CCDC73: variants seen among roughly 807,000 people sequenced by gnomAD.
CCDC73 encodes the protein coiled-coil domain-containing protein 73.
In CCDC73, 95 loss-of-function variants were observed where a neutral mutation model predicts 116.5. The ratio of observed to expected loss-of-function variants is 0.82; its 90% CI spans 0.69 to 0.97. CCDC73 has a LOEUF of 0.97. Ranked by LOEUF, CCDC73 falls within the 50% of genes least tolerant of loss-of-function variation. CCDC73 has a pLI of 0.00. For missense variants in CCDC73, 1,066 were observed against 1,206.8 expected, an observed-to-expected ratio of 0.88 and a Z score of 1.73; for synonymous variants, 398 against 401.3, an observed-to-expected ratio of 0.99 and a Z score of 0.10.
chr11:32,766,592 T>C (rs900905657), intron 1 of CCDC73, among the ~76,000 whole-genome samples: 42 of 152,338 alleles, frequency 2.8e-4, no homozygotes, highest in African/African-American at 9.4e-4. Context: ...CTTAAGCTGA[T>C]AAGCAACTTC....
At chr11:32,659,701 A>G (rs1212749374) in intron 9 of CCDC73, among the ~76,000 whole-genome samples, 1 of 152,194 alleles carries the variant, frequency 6.6e-6, no homozygotes, top group Non-Finnish European at 1.5e-5. Context: ...GAAAACCATA[A>G]CTAAACCACA....
rs1017377168 is a variant in CCDC73 at position 32,606,383 on chromosome 11, A to G, written c.3031-3363T>C. Reference sequence around the variant, plus strand: ...TTACAACTGCTCAATTCTCAGTGCCATGCCAAAACAGCCTTTACAATATGC... The same window carrying G: ...TTACAACTGCTCAATTCTCAGTGCCGTGCCAAAACAGCCTTTACAATATGC... On this transcript the variant is annotated intron_variant, in intron 17 of 17. Coordinates refer to ENST00000335185, the MANE Select transcript of CCDC73 (RefSeq NM_001008391.4). 4 of 152,256 alleles carry G rather than the reference A, an allele frequency of 2.6e-5. No homozygotes were observed. In the South Asian group the frequency reaches 6.2e-4, roughly 24 times the overall value. 9.4% of individuals were successfully genotyped at this position (152,256 alleles called of 1,614,324 possible). A position where few individuals can be genotyped will look rare whatever the true frequency, so the allele number is the denominator to read the frequency against.
chr11:32,829,819 G>C, the CCDC73 span: 9 of 985,412 alleles, frequency 9.1e-6, no homozygotes, highest in Non-Finnish European at 9.6e-6. Context: ...GCGCAGCGCG[G>C]GCTCCCGGGA....
intron 1 of CCDC73, among the ~76,000 whole-genome samples, chr11:32,784,875 A>G (rs371129198): frequency 1.0e-3 from 152 of 152,326 alleles, no homozygotes; most frequent in African/African-American, 3.6e-3. Context: ...AGTTTCTTAT[A>G]ATGATAGAAC....
At chr11:32,740,469 A>G (rs1371485243) in intron 2 of CCDC73, among the ~76,000 whole-genome samples, 2 of 151,978 alleles carry the variant, frequency 1.3e-5, no homozygotes, top group Admixed American at 1.3e-4. Flanking sequence ...AGGTTTTCCA[A>G]TTTATTGGCA....
At chr11:32,830,410 G>C in the CCDC73 span, 7 of 1,044,172 alleles carry the variant, frequency 6.7e-6, no homozygotes, top group Non-Finnish European at 8.9e-6. Flanking sequence ...CTTGCGCCTA[G>C]GCTTTGAGTA....
At chr11:32,655,923 A>G (rs1332974865) in intron 9 of CCDC73, among the ~76,000 whole-genome samples, 1 of 152,174 alleles carries the variant, frequency 6.6e-6, no homozygotes, top group Admixed American at 6.5e-5. Flanking sequence ...ATTAGTGTGC[A>G]ATTGATTGTG....
At chr11:32,624,925 A>C (rs1855556257) in intron 14 of CCDC73, among the ~76,000 whole-genome samples, 2 of 152,210 alleles carry the variant, frequency 1.3e-5, no homozygotes, top group African/African-American at 4.8e-5. Context: ...GCAAACTGTC[A>C]CAAGGACAGA....
chr11:32,613,633 A>C lies in CCDC73; in HGVS notation c.2685T>G (p.Thr895=). 1 of 1,613,994 alleles carries C rather than the reference A, an allele frequency of 6.2e-7. No individual in the cohort carries two copies. Among genetic ancestry groups the C allele is most frequent in the South Asian group, 1.1e-5 (1 of 91,070 alleles). Residue 895 remains threonine, a synonymous_variant, in exon 16 of 18, where the codon ACT becomes ACG. Transcript: ENST00000335185. ...AATTCATGTATACTGGAGTTTTCTC[A>C]GTTTTTTTATCTGAAGTTGAAAGAT... ...TFDLSTSDKK[T]EKTPVYMNFS...
chr11:32,615,839 A>G (rs1231807685), intron 15 of CCDC73, 101 bp downstream of exon 15: 2 of 1,088,048 alleles, frequency 1.8e-6, no homozygotes, highest in Admixed American at 3.1e-5. Flanking sequence ...AAGACTAGGA[A>G]TAAGTCATGA....
chr11:32,817,004 C>T, the CCDC73 span, among the ~76,000 whole-genome samples: 1 of 152,134 alleles, frequency 6.6e-6, no homozygotes, highest in African/African-American at 2.4e-5. Context: ...AGGTTGGTCT[C>T]AAACTCCTGA....
chr11:32,669,865 T>C (rs1378236971), intron 9 of CCDC73, among the ~76,000 whole-genome samples: 3 of 152,208 alleles, frequency 2.0e-5, no homozygotes, highest in Non-Finnish European at 4.4e-5. Context: ...ATTCATCTGT[T>C]GATGGACACT....
chr11:32,614,067 T>C lies in CCDC73; in HGVS notation c.2251A>G (p.Asn751Asp). The C allele has an allele frequency of 6.2e-7, 1 of 1,613,194 alleles. No individual in the cohort carries two copies. Among genetic ancestry groups the C allele is most frequent in the South Asian group, 1.1e-5 (1 of 91,084 alleles). Residue 751 changes from asparagine to aspartate, a missense_variant, in exon 16 of 18, where the codon AAT becomes GAT. Physicochemically the swap from Asn to Asp is conservative, Grantham distance 23. Transcript: ENST00000335185. The part of the protein sequence containing the change: ...SSPGGKTMCK[N>D]MSDMQNSQFN... The stretch of plus-strand genomic sequence containing the variant: ...TGACTGTTTTGCATATCACTCATAT[T>C]TTTACACATAGTTTTTCCCCCAGGG...
At chr11:32,720,578 C>A (rs911823740) in intron 2 of CCDC73, among the ~76,000 whole-genome samples, 1 of 151,954 alleles carries the variant, frequency 6.6e-6, no homozygotes. Flanking sequence ...ATAAAACTAC[C>A]TCTATTTGCA....
intron 7 of CCDC73, among the ~76,000 whole-genome samples, chr11:32,678,886 A>C (rs1856117315): frequency 8.1e-6 from 1 of 123,690 alleles, no homozygotes; most frequent in Non-Finnish European, 1.7e-5. Context: ...CCGTCACAAA[A>C]AAAAAAAAAA....
intron 13 of CCDC73, among the ~76,000 whole-genome samples, chr11:32,637,021 T>C (rs185954003): frequency 0.014 from 1,787 of 131,630 alleles, 43 homozygotes; most frequent in African/African-American, 0.046. Flanking sequence ...CTTTTTCTTT[T>C]TTTTTTTTTT....
At chr11:32,790,625 A>G (rs1850666319) in intron 1 of CCDC73, among the ~76,000 whole-genome samples, 1 of 152,138 alleles carries the variant, frequency 6.6e-6, no homozygotes, top group Non-Finnish European at 1.5e-5. Flanking sequence ...TGAGTAAAAC[A>G]TTCTCTGTTC....
At chr11:32,758,554 C>A in intron 2 of CCDC73, 1 of 444,500 alleles carries the variant, frequency 2.2e-6, no homozygotes, top group South Asian at 1.8e-5. Flanking sequence ...CTTTCTTCAT[C>A]AAGGAGCAGA....
intron 12 of CCDC73, among the ~76,000 whole-genome samples, chr11:32,646,415 A>G (rs1554962740): frequency 6.6e-6 from 1 of 152,106 alleles, no homozygotes; most frequent in Non-Finnish European, 1.5e-5. Context: ...AGGGTGGTAA[A>G]TTTTTTGAGA....
Sources: gnomAD v4.1 joint callset for allele counts (sites outside exome capture counted in the v4.1 genomes callset) on GRCh38, gnomAD v4.1.1 for gene constraint, MANE v1.5 for transcripts, NCBI Gene and HGNC (gene_info 2026-07-23, HGNC 2026-07-21) for gene names.